Variants in NEDD4L observed in about 807,000 individuals in gnomAD.
The protein encoded by NEDD4L is NEDD4 like E3 ubiquitin protein ligase.
In NEDD4L, 54 loss-of-function variants were observed where a neutral mutation model predicts 148.9. The observed-to-expected ratio is 0.36, with a 90% confidence interval of 0.29 to 0.45. NEDD4L has a LOEUF of 0.45. Among genes scored for constraint, NEDD4L ranks in the 20% least tolerant of loss-of-function variants. The pLI is 1.00. For missense variants in NEDD4L, 856 were observed against 1,233.8 expected, an observed-to-expected ratio of 0.69 and a Z score of 4.59; for synonymous variants, 433 against 440.7, an observed-to-expected ratio of 0.98 and a Z score of 0.22.
chr18:58,225,454 G>C (rs867168464), intron 2 of NEDD4L, among the ~76,000 whole-genome samples: 1 of 152,188 alleles, frequency 6.6e-6, no homozygotes, highest in African/African-American at 2.4e-5. Flanking sequence ...GGTTTTATCC[G>C]CTTCACAATT....
intron 2 of NEDD4L, among the ~76,000 whole-genome samples, chr18:58,237,848 C>A (rs1021992974): frequency 2.0e-5 from 3 of 152,116 alleles, no homozygotes; most frequent in African/African-American, 7.2e-5. Context: ...AAGGTTGGGA[C>A]CCTCAAGTGA....
intron 2 of NEDD4L, among the ~76,000 whole-genome samples, chr18:58,237,222 G>GC (rs1191505037): frequency 1.3e-5 from 2 of 152,006 alleles, no homozygotes; most frequent in East Asian, 3.9e-4. Context: ...TCTATTCCCC[G>GC]CCCCCCACTT....
intron 1 of NEDD4L, among the ~76,000 whole-genome samples, chr18:58,113,895 C>G (rs2085581859): frequency 6.6e-6 from 1 of 152,066 alleles, no homozygotes; most frequent in Non-Finnish European, 1.5e-5. Flanking sequence ...CATGGGTCTT[C>G]CTGCCCAAGA....
At chr18:58,310,621 G>GA (rs1457726373) in intron 5 of NEDD4L, among the ~76,000 whole-genome samples, 1 of 152,226 alleles carries the variant, frequency 6.6e-6, no homozygotes, top group Non-Finnish European at 1.5e-5. Context: ...AGCGTGGGTG[G>GA]AACCGCACTC....
chr18:58,281,171 T>G (rs140808609), intron 5 of NEDD4L, among the ~76,000 whole-genome samples: 296 of 152,256 alleles, frequency 1.9e-3, no homozygotes, highest in African/African-American at 6.8e-3. Flanking sequence ...AGAGAAGGTG[T>G]CTCACTATGT....
chr18:58,213,570 G>A (rs985776163), intron 2 of NEDD4L, among the ~76,000 whole-genome samples: 5 of 152,206 alleles, frequency 3.3e-5, no homozygotes, highest in African/African-American at 9.7e-5. Context: ...TGTTAAGCAG[G>A]GAGTGGGGTG....
intron 2 of NEDD4L, among the ~76,000 whole-genome samples, chr18:58,190,816 C>G (rs1444376797): frequency 6.6e-6 from 1 of 152,096 alleles, no homozygotes; most frequent in African/African-American, 2.4e-5. Context: ...TTTCTGCCAT[C>G]AAATAGAAGA....
At chr18:58,208,915 C>T (rs563147816) in intron 2 of NEDD4L, among the ~76,000 whole-genome samples, 2 of 152,216 alleles carry the variant, frequency 1.3e-5, no homozygotes, top group African/African-American at 4.8e-5. Flanking sequence ...GGTGCCTTCA[C>T]TTTGGAACAC....
chr18:58,156,685 G>A (rs1443371967), intron 1 of NEDD4L, among the ~76,000 whole-genome samples: 1 of 152,104 alleles, frequency 6.6e-6, no homozygotes, highest in Non-Finnish European at 1.5e-5. Flanking sequence ...AGCCTTGGGA[G>A]GCCACCTGCC....
intron 2 of NEDD4L, among the ~76,000 whole-genome samples, chr18:58,171,604 A>C (rs1024565286): frequency 1.3e-5 from 2 of 152,282 alleles, no homozygotes; most frequent in African/African-American, 4.8e-5. Context: ...ATCTTGGCAC[A>C]TGACAGTTGC....
intron 1 of NEDD4L, among the ~76,000 whole-genome samples, chr18:58,103,947 C>T (rs1024681260): frequency 1.3e-5 from 2 of 152,208 alleles, no homozygotes; most frequent in African/African-American, 4.8e-5. Context: ...AACCATTTCC[C>T]AGCATAGAAA....
chr18:58,130,774 C>T (rs1356164150), intron 1 of NEDD4L, among the ~76,000 whole-genome samples: 1 of 135,020 alleles, frequency 7.4e-6, no homozygotes, highest in Non-Finnish European at 1.5e-5. Flanking sequence ...GGAACTGTGG[C>T]AGTGTTGGGC....
intron 6 of NEDD4L, among the ~76,000 whole-genome samples, chr18:58,317,222 G>A (rs1223247865): frequency 6.6e-6 from 1 of 152,288 alleles, no homozygotes; most frequent in South Asian, 2.1e-4. Context: ...CCACGGGAGG[G>A]GCCTGCCCAG....
At position 58,387,563 on chromosome 18, in the gene NEDD4L, A is replaced by C. The variant is rs563411354; in HGVS notation, c.2547+65A>C. 3.8e-5 allele frequency: 53 copies of C among 1,398,766 alleles called. No individual in the cohort carries two copies. In the African/African-American group the frequency reaches 6.6e-4, roughly 17 times the overall value. The allele number at this position is 1,398,766 out of a possible 1,614,324, so 86.6% of individuals were successfully genotyped here. ...TTAAAGTATCTCTCATTACTTTACA[A>C]GTAATATTTTAATATTCTTGGATCC... On this transcript the variant is annotated intron_variant, in intron 27 of 30. Transcript: ENST00000400345.
chr18:58,354,344 C>T (rs189324758), intron 18 of NEDD4L, among the ~76,000 whole-genome samples: 38 of 152,090 alleles, frequency 2.5e-4, no homozygotes, highest in Non-Finnish European at 1.5e-5. Context: ...ACCTGTTCAT[C>T]GTGACTAAAC....
At chr18:58,370,251 T>A in intron 22 of NEDD4L, 146 bp from the exon 23 acceptor site, 2 of 631,144 alleles carry the variant, frequency 3.2e-6, no homozygotes, top group Non-Finnish European at 5.8e-6. Context: ...TCTCGCCTCC[T>A]CGCTTGTGCA....
chr18:58,136,780 CT>C (rs769711939), intron 1 of NEDD4L, among the ~76,000 whole-genome samples: 1 of 152,118 alleles, frequency 6.6e-6, no homozygotes, highest in African/African-American at 2.4e-5. Flanking sequence ...TTTGGGTACT[CT>C]TTTTTTGTTT....
At chr18:58,068,126 A>AT (rs1007856089) in intron 1 of NEDD4L, among the ~76,000 whole-genome samples, 4 of 149,158 alleles carry the variant, frequency 2.7e-5, no homozygotes, top group East Asian at 2.0e-4. Flanking sequence ...CACCCAGTGA[A>AT]TTTTTTTTTC....
chr18:58,084,273 C>G (rs1198378925), intron 1 of NEDD4L, among the ~76,000 whole-genome samples: 1 of 152,118 alleles, frequency 6.6e-6, no homozygotes, highest in Non-Finnish European at 1.5e-5. Context: ...CAAGGACTAA[C>G]TGCTAATGGG....
Sources: allele counts gnomAD v4.1 joint callset (sites outside exome capture counted in the v4.1 genomes callset), GRCh38; gene constraint gnomAD v4.1.1; transcripts MANE v1.5; gene names NCBI Gene and HGNC (gene_info 2026-07-23, HGNC 2026-07-21).